The following EPN2 variants were observed in gnomAD, a reference collection of about 807,000 sequenced individuals.
EPN2 encodes epsin 2, also known as epsin-2.
A neutral mutation model predicts 61.7 loss-of-function variants in EPN2; 34 were observed. The ratio of observed to expected loss-of-function variants is 0.55; its 90% CI spans 0.42 to 0.73. The LOEUF is 0.73. Among genes scored for constraint, EPN2 ranks in the 30% least tolerant of loss-of-function variants. EPN2 has a pLI of 0.00. For synonymous variants in EPN2, 349 were observed against 353.6 expected (o/e 0.99, Z 0.15); for missense variants, 714 against 839.2 (o/e 0.85, Z 1.84).
At chr17:19,321,142 G>C (rs1052065818) in intron 7 of EPN2, among the ~76,000 whole-genome samples, 1 of 152,192 alleles carries the variant, frequency 6.6e-6, no homozygotes, top group African/African-American at 2.4e-5. Context: ...CAGAGTGGGG[G>C]CTGGGCCTTC....
Position 19,285,675 on chromosome 17 carries a change from T to A in EPN2, c.651T>A (p.Ser217Arg), listed in dbSNP as rs2045397374. ...GCACAGGGGCCCCGCTGGGTCAGAG[T>A]GAGGAGCTGCAGCCACTGAGCCAGC... ...QHRTGAPLGQ[S>R]EELQPLSQRH... The change falls in exon 4 of 11, where the codon AGT becomes AGA. Residue 217 changes from serine (S) to arginine (R), a missense_variant. Ser to Arg is a moderately radical substitution (Grantham distance 110). Coordinates refer to ENST00000314728, the MANE Select transcript of EPN2 (RefSeq NM_014964.5). This position sits in a 1 kb window ranked among gnomAD's most constrained non-coding sequence, Gnocchi z 4.5. 2.5e-6 allele frequency: 4 copies of A among 1,579,366 alleles called. No individual in the cohort carries two copies. The highest frequency in any genetic ancestry group is 3.4e-6 in the Non-Finnish European group (4 of 1,163,896).
chr17:19,312,664 G>A (rs1040708426), intron 6 of EPN2, among the ~76,000 whole-genome samples: 2 of 152,230 alleles, frequency 1.3e-5, no homozygotes, highest in Admixed American at 6.5e-5. Flanking sequence ...GGCCGGTGGA[G>A]CCCCTGGCTC....
intron 1 of EPN2, among the ~76,000 whole-genome samples, chr17:19,238,881 G>C (rs560310917): frequency 1.7e-4 from 26 of 152,280 alleles, no homozygotes; most frequent in Middle Eastern, 6.8e-3. Flanking sequence ...TGAATTTTAA[G>C]AATCCAAGCT....
chr17:19,327,973 A>G (rs1339801944), intron 7 of EPN2, among the ~76,000 whole-genome samples: 3 of 152,262 alleles, frequency 2.0e-5, no homozygotes, highest in African/African-American at 7.2e-5. Flanking sequence ...ATCTGTGTCT[A>G]TACATAAAGA....
At chr17:19,271,611 A>C (rs574363518) in intron 1 of EPN2, 1 of 152,398 alleles carries the variant, frequency 6.6e-6, no homozygotes, top group African/African-American at 2.4e-5. Flanking sequence ...ATCAACCATC[A>C]CTACCACCAG....
intron 1 of EPN2, among the ~76,000 whole-genome samples, chr17:19,266,889 T>C (rs1275656775): frequency 6.7e-6 from 1 of 149,752 alleles, no homozygotes; most frequent in Non-Finnish European, 1.5e-5. Flanking sequence ...CGGATGAACC[T>C]TGAAAACACT....
intron 7 of EPN2, among the ~76,000 whole-genome samples, chr17:19,325,343 C>T (rs1906818474): frequency 6.6e-6 from 1 of 152,132 alleles, no homozygotes. Context: ...ATGTAAAAAT[C>T]CTAAGGAAAG....
chr17:19,288,841 C>T (rs904023674), intron 4 of EPN2, among the ~76,000 whole-genome samples: 22 of 152,190 alleles, frequency 1.4e-4, no homozygotes, highest in Non-Finnish European at 2.5e-4. Flanking sequence ...GCAGACCATG[C>T]ACTCAGTGGC....
intron 7 of EPN2, among the ~76,000 whole-genome samples, chr17:19,321,157 C>T (rs1906620129): frequency 1.3e-5 from 2 of 152,170 alleles, no homozygotes; most frequent in African/African-American, 2.4e-5. Context: ...GCCTTCCCAG[C>T]AAGTGCCCCA....
chr17:19,321,021 G>T (rs1906613716), intron 7 of EPN2, among the ~76,000 whole-genome samples: 1 of 152,304 alleles, frequency 6.6e-6, no homozygotes, highest in South Asian at 2.1e-4. Flanking sequence ...ACATGCTTTG[G>T]CAAGGGGGAC....
intron 7 of EPN2, 198 bp downstream of exon 7, chr17:19,313,477 T>A: frequency 4.5e-6 from 2 of 443,420 alleles, no homozygotes; most frequent in Non-Finnish European, 7.9e-6. Flanking sequence ...CCTCTTTGTT[T>A]TGAGTGGTTT....
rs1483886505 is a variant in EPN2 at position 19,335,112 on chromosome 17, A to C, written c.*858A>C. On this transcript the variant is annotated 3_prime_UTR_variant, in exon 11 of 11. Transcript: ENST00000314728. ...AAAAAATGCCTTATTGAAAAACTAA[A>C]GCAAATTCTTTATAGGAAGAAAATA... 1 of 236,352 alleles carries C rather than the reference A, an allele frequency of 4.2e-6. No individual in the cohort carries two copies. Among genetic ancestry groups the C allele is most frequent in the Non-Finnish European group, 8.1e-6 (1 of 123,220 alleles). The allele number at this position is 236,352 out of a possible 1,614,324, so 14.6% of individuals were successfully genotyped here. A position where few individuals can be genotyped will look rare whatever the true frequency, so the allele number is the denominator to read the frequency against.
intron 7 of EPN2, among the ~76,000 whole-genome samples, chr17:19,320,448 C>T (rs1906589148): frequency 6.6e-6 from 1 of 152,122 alleles, no homozygotes; most frequent in South Asian, 2.1e-4. Context: ...CATGGGGCCT[C>T]ATTTTTGAGG....
intron 10 of EPN2, 131 bp downstream of exon 10, chr17:19,332,199 C>A (rs904353307): frequency 1.4e-6 from 1 of 696,598 alleles, no homozygotes; most frequent in African/African-American, 1.8e-5. Context: ...TAGATGATTA[C>A]GTATGCCCTC....
intron 7 of EPN2, among the ~76,000 whole-genome samples, chr17:19,319,257 T>A (rs2152235260): frequency 6.6e-6 from 1 of 152,226 alleles, no homozygotes; most frequent in Admixed American, 6.5e-5. Flanking sequence ...GATATAAACC[T>A]ATTAGTTTAA....
chr17:19,267,765 A>C (rs887093330), intron 1 of EPN2, among the ~76,000 whole-genome samples: 2 of 151,728 alleles, frequency 1.3e-5, no homozygotes, highest in Admixed American at 1.3e-4. Context: ...CTGGTCTCGA[A>C]CTCCTGACCT....
chr17:19,280,790 A>G (rs2045352176), intron 1 of EPN2, among the ~76,000 whole-genome samples: 1 of 152,138 alleles, frequency 6.6e-6, no homozygotes, highest in Non-Finnish European at 1.5e-5. Flanking sequence ...CAACTCTGAT[A>G]TTTACCTGGA....
chr17:19,318,849 C>A (rs968404952), intron 7 of EPN2, among the ~76,000 whole-genome samples: 1 of 151,970 alleles, frequency 6.6e-6, no homozygotes, highest in African/African-American at 2.4e-5. Context: ...TGCTTCAGAA[C>A]CCGTGCAGTG....
chr17:19,281,625 C>T (rs1004315070), intron 1 of EPN2, among the ~76,000 whole-genome samples: 1 of 152,052 alleles, frequency 6.6e-6, no homozygotes, highest in Non-Finnish European at 1.5e-5. Context: ...GAAAGGGAGG[C>T]GCAGGTTCTG....
Sources: gnomAD v4.1 joint callset for allele counts (sites outside exome capture counted in the v4.1 genomes callset) on GRCh38, gnomAD v4.1.1 for gene constraint, Gnocchi (gnomAD v3.1) non-coding constraint, MANE v1.5 for transcripts, NCBI Gene and HGNC (gene_info 2026-07-23, HGNC 2026-07-21) for gene names.